Variants in ZBTB20 observed in about 807,000 individuals in gnomAD.
The protein encoded by ZBTB20 is zinc finger and BTB domain containing 20, also known as zinc finger and BTB domain-containing protein 20.
In ZBTB20, 9 loss-of-function variants were observed where a neutral mutation model predicts 56.9. The ratio of observed to expected loss-of-function variants is 0.16; its 90% CI spans 0.10 to 0.28. ZBTB20 has a LOEUF of 0.28. Ranked by LOEUF, ZBTB20 falls within the 10% of genes least tolerant of loss-of-function variation. ZBTB20 has a pLI of 1.00. For missense variants in ZBTB20, 655 were observed against 1,003.0 expected, an observed-to-expected ratio of 0.65 and a Z score of 4.69; for synonymous variants, 417 against 420.7, an observed-to-expected ratio of 0.99 and a Z score of 0.11.
At position 114,328,043 on chromosome 3, in the gene ZBTB20, T is replaced by C. The variant is rs780161697; in HGVS notation, c.*10962A>G. ...ACAACCAAATTATATGGGGCGTATT[T>C]AGGTGCTGGGGAGTGCACTGCATGG... On this transcript the variant is annotated 3_prime_UTR_variant, in exon 12 of 12. Transcript: ENST00000675478. The C allele has an allele frequency of 6.6e-6, 1 of 152,170 alleles. No homozygotes were observed. The highest frequency in any genetic ancestry group is 1.5e-5 in the Non-Finnish European group (1 of 68,040). 9.4% of individuals were successfully genotyped at this position (152,170 alleles called of 1,614,324 possible). A position where few individuals can be genotyped will look rare whatever the true frequency, so the allele number is the denominator to read the frequency against.
chr3:114,883,916 C>CCTTTTTTTTTTTTTTTTTTTTTTTT lies in ZBTB20; in HGVS notation c.-417+16387_-417+16388insAAAAAAAAAAAAAAAAAAAAAAAAG, dbSNP rs1223732179. Reference sequence around the variant, plus strand: ...GTATAACTGGTAAGAATGGTGTGTTCTTTTTTTTTTTTTTTTTTTTTTTTT... The same window carrying CCTTTTTTTTTTTTTTTTTTTTTTTT: ...GTATAACTGGTAAGAATGGTGTGTTCCTTTTTTTTTTTTTTTTTTTTTTTTTTTTTTTTTTTTTTTTTTTTTTTTT... On this transcript the variant is annotated intron_variant, in intron 4 of 11. Transcript: ENST00000675478. 7.8e-5 allele frequency among the ~76,000 whole-genome samples: 7 copies of CCTTTTTTTTTTTTTTTTTTTTTTTT among 89,774 alleles called. 3 individuals are homozygous for CCTTTTTTTTTTTTTTTTTTTTTTTT. Among genetic ancestry groups the CCTTTTTTTTTTTTTTTTTTTTTTTT allele is most frequent in the Non-Finnish European group, 1.1e-4 (5 of 46,742 alleles). 58.9% of individuals were successfully genotyped at this position (89,774 alleles called of 152,430 possible).
chr3:114,985,566 C>A (rs2078503959), intron 2 of ZBTB20, among the ~76,000 whole-genome samples: 1 of 152,028 alleles, frequency 6.6e-6, no homozygotes, highest in African/African-American at 2.4e-5. Context: ...TCATTATGTC[C>A]TTTTATGATG....
At chr3:114,823,212 C>G (rs191130507) in intron 4 of ZBTB20, among the ~76,000 whole-genome samples, 16 of 152,168 alleles carry the variant, frequency 1.1e-4, no homozygotes, top group African/African-American at 3.6e-4. Context: ...GGCCTGTGCT[C>G]TATAGGCACC....
At chr3:114,577,628 G>A (rs574035238) in intron 6 of ZBTB20, among the ~76,000 whole-genome samples, 1 of 152,264 alleles carries the variant, frequency 6.6e-6, no homozygotes, top group East Asian at 1.9e-4. Flanking sequence ...GCTCTTTAGA[G>A]TAATGAGGTC....
chr3:114,633,263 C>G (rs1286780247), intron 6 of ZBTB20, among the ~76,000 whole-genome samples: 7 of 152,162 alleles, frequency 4.6e-5, no homozygotes, highest in Non-Finnish European at 1.0e-4. Context: ...GGCCTACAGT[C>G]AAATGTTTCT....
intron 4 of ZBTB20, among the ~76,000 whole-genome samples, chr3:114,825,026 A>G (rs2073452050): frequency 6.6e-6 from 1 of 151,894 alleles, no homozygotes; most frequent in South Asian, 2.1e-4. Context: ...TAATACCCTG[A>G]TGAAAATTTA....
At chr3:114,643,499 C>T (rs2059667266) in intron 6 of ZBTB20, among the ~76,000 whole-genome samples, 1 of 152,036 alleles carries the variant, frequency 6.6e-6, no homozygotes, top group Admixed American at 6.6e-5. Context: ...GTTTATTCAC[C>T]TGAATGCATT....
At position 114,347,086 on chromosome 3, in the gene ZBTB20, T is replaced by G. The variant is rs1290362080; in HGVS notation, c.1804+3188A>C. ...AATTTATTCTCTTCAGGTTTTTTTT[T>G]TTTTTTTTTTTTTTTTTTTTTTTTA... On this transcript the variant is annotated intron_variant, in intron 11 of 11. Coordinates refer to ENST00000675478, the MANE Select transcript of ZBTB20 (RefSeq NM_001348800.3). Among the ~76,000 whole-genome samples, 4 of 124,668 alleles carry G rather than the reference T, an allele frequency of 3.2e-5. 1 individual carries two copies. Among genetic ancestry groups the G allele is most frequent in the East Asian group, 4.5e-4 (2 of 4,478 alleles). 81.8% of individuals were successfully genotyped at this position (124,668 alleles called of 152,430 possible). A position where few individuals can be genotyped will look rare whatever the true frequency, so the allele number is the denominator to read the frequency against.
At position 114,350,696 on chromosome 3, in the gene ZBTB20, G is replaced by A. The variant is rs763151962; in HGVS notation, c.1382C>T (p.Ser461Leu). The A allele has an allele frequency of 1.9e-6, 3 of 1,614,086 alleles. No homozygotes were observed. Among genetic ancestry groups the A allele is most frequent in the African/African-American group, 2.7e-5 (2 of 74,910 alleles). Residue 461 changes from serine to leucine, a missense_variant, in exon 11 of 12, where the codon TCG becomes TTG. By Grantham distance (145) the Ser-to-Leu change is moderately radical. Transcript: ENST00000675478. ...SSDKSVLQQPSVNTSIGQPLP... is the reference protein window; with the variant it reads ...SSDKSVLQQPLVNTSIGQPLP... Reference sequence around the variant, plus strand: ...TGGCTGCCCGATGGACGTGTTGACCGAAGGCTGTTGTAGGACGCTCTTGTC... The same window carrying A: ...TGGCTGCCCGATGGACGTGTTGACCAAAGGCTGTTGTAGGACGCTCTTGTC...
chr3:114,527,945 T>C lies in ZBTB20; in HGVS notation c.-294-27554A>G, dbSNP rs1448178785. ...GTCTTATGAGACTATAAAAAAGTCA[T>C]TCTTGGACCAATTATTCTGAAGATA... is the stretch of plus-strand genomic sequence containing the variant. On this transcript the variant is annotated intron_variant, in intron 6 of 11. Coordinates refer to ENST00000675478, the MANE Select transcript of ZBTB20 (RefSeq NM_001348800.3). Among the ~76,000 whole-genome samples, 5 of 152,186 alleles carry C rather than the reference T, an allele frequency of 3.3e-5. No individual in the cohort carries two copies. In the East Asian group the frequency reaches 5.8e-4, roughly 18 times the overall value.
chr3:114,811,131 G>A (rs1231466260), intron 4 of ZBTB20, among the ~76,000 whole-genome samples: 9 of 152,156 alleles, frequency 5.9e-5, no homozygotes, highest in Non-Finnish European at 1.0e-4. Context: ...ATGTCATTTA[G>A]ACTTAATCTT....
chr3:114,922,466 A>G (rs2075996984), intron 3 of ZBTB20, among the ~76,000 whole-genome samples: 1 of 152,112 alleles, frequency 6.6e-6, no homozygotes. Flanking sequence ...CGATATATGA[A>G]CCCAATAGTT....
chr3:114,427,482 C>G (rs1338095087), intron 7 of ZBTB20, among the ~76,000 whole-genome samples: 1 of 152,138 alleles, frequency 6.6e-6, no homozygotes, highest in African/African-American at 2.4e-5. Context: ...TCCAGTGAGC[C>G]CCTCGATCAT....
intron 5 of ZBTB20, among the ~76,000 whole-genome samples, chr3:114,727,217 A>G (rs760799219): frequency 1.4e-4 from 22 of 152,174 alleles, no homozygotes. Flanking sequence ...CAACCTGGAA[A>G]CTTGAAGACA....
intron 3 of ZBTB20, among the ~76,000 whole-genome samples, chr3:114,968,500 C>T (rs555031058): frequency 6.6e-6 from 1 of 152,292 alleles, no homozygotes; most frequent in South Asian, 2.1e-4. Flanking sequence ...TGAAGTCCAA[C>T]ATAATGACTT....
chr3:114,337,502 C>T lies in ZBTB20; in HGVS notation c.*1503G>A, dbSNP rs2079499760. 6.6e-6 allele frequency: 1 copy of T among 152,140 alleles called. No individual in the cohort carries two copies. Among genetic ancestry groups the T allele is most frequent in the South Asian group, 2.1e-4 (1 of 4,828 alleles). 9.4% of individuals were successfully genotyped at this position (152,140 alleles called of 1,614,324 possible). On this transcript the variant is annotated 3_prime_UTR_variant, in exon 12 of 12. Transcript: ENST00000675478. ...AATCTCTTTCTGAAAGATAAAGTCT[C>T]TTCCATGAAAAAGAACAGAATTCTA...
chr3:115,073,434 G>A (rs1056397099), intron 1 of ZBTB20, among the ~76,000 whole-genome samples: 5 of 152,000 alleles, frequency 3.3e-5, no homozygotes, highest in South Asian at 4.1e-4. Flanking sequence ...TCTTATTCCC[G>A]ACTCCTACCA....
chr3:114,754,103 T>C (rs1026175974), intron 5 of ZBTB20, among the ~76,000 whole-genome samples: 9 of 152,140 alleles, frequency 5.9e-5, no homozygotes, highest in Admixed American at 4.6e-4. Context: ...CTGTAACTTG[T>C]GGAGCAAAGA....
At chr3:114,808,300 C>T (rs568702614) in intron 4 of ZBTB20, among the ~76,000 whole-genome samples, 2 of 152,004 alleles carry the variant, frequency 1.3e-5, no homozygotes, top group East Asian at 3.9e-4. Context: ...AACCAATGAT[C>T]AGTCACAGGT....
Sources: gnomAD v4.1 joint callset for allele counts (sites outside exome capture counted in the v4.1 genomes callset) on GRCh38, gnomAD v4.1.1 for gene constraint, MANE v1.5 for transcripts, NCBI Gene and HGNC (gene_info 2026-07-23, HGNC 2026-07-21) for gene names.